The following ATRNL1 variants were observed in gnomAD, a reference collection of about 807,000 sequenced individuals.
ATRNL1 encodes attractin like 1.
A neutral mutation model predicts 182.7 loss-of-function variants in ATRNL1; 95 were observed. That is an observed-to-expected ratio of 0.52 (90% confidence interval 0.44 to 0.62). ATRNL1 has a LOEUF of 0.62. ATRNL1 is among the 20% of genes least tolerant of loss of function. ATRNL1 has a pLI of 0.00. For synonymous variants in ATRNL1, 576 were observed against 568.3 expected (o/e 1.01, Z -0.19); for missense variants, 1,471 against 1,679.5 (o/e 0.88, Z 2.17).
chr10:115,244,077 G>A (rs1277596233), intron 10 of ATRNL1, among the ~76,000 whole-genome samples: 1 of 152,002 alleles, frequency 6.6e-6, no homozygotes, highest in Non-Finnish European at 1.5e-5. Flanking sequence ...ATAGATATAA[G>A]CATTATATAG....
At chr10:115,463,222 T>C (rs1431597810) in intron 22 of ATRNL1, among the ~76,000 whole-genome samples, 5 of 151,176 alleles carry the variant, frequency 3.3e-5, no homozygotes, top group Non-Finnish European at 4.4e-5. Flanking sequence ...TCTTTTCCAG[T>C]AAAATAGCAT....
At position 115,856,428 on chromosome 10, in the gene ATRNL1, CAAAAAA is replaced by C. The variant is rs572743389; in HGVS notation, c.4018+8454_4018+8459del. On this transcript the variant is annotated intron_variant, in intron 28 of 28. Coordinates refer to ENST00000355044, the MANE Select transcript of ATRNL1 (RefSeq NM_207303.4). The stretch of plus-strand genomic sequence containing the variant: ...GGGCAACAAGAGCGAAGCTCCATCT[CAAAAAA>C]AAAAAAAAAAAAAAAAGCCATACAT... Among the ~76,000 whole-genome samples the C allele has an allele frequency of 2.4e-3, 54 of 22,538 alleles. 8 individuals are homozygous for C. In the East Asian group the frequency reaches 0.058, roughly 24 times the overall value. 14.8% of individuals were successfully genotyped at this position (22,538 alleles called of 152,430 possible).
intron 28 of ATRNL1, among the ~76,000 whole-genome samples, chr10:115,933,099 C>G (rs1555122054): frequency 6.6e-6 from 1 of 152,184 alleles, no homozygotes; most frequent in East Asian, 1.9e-4. Context: ...GCAAGCAATT[C>G]CTTCAGGAAC....
intron 5 of ATRNL1, among the ~76,000 whole-genome samples, chr10:115,141,723 G>T (rs868993932): frequency 2.0e-5 from 3 of 151,990 alleles, no homozygotes; most frequent in African/African-American, 4.8e-5. Flanking sequence ...TAATGAACAC[G>T]GTCAATCTAT....
chr10:115,778,558 TA>T (rs1237401720), intron 27 of ATRNL1, among the ~76,000 whole-genome samples: 2 of 152,180 alleles, frequency 1.3e-5, no homozygotes, highest in Non-Finnish European at 2.9e-5. Flanking sequence ...ATGAACGAAC[TA>T]AATCATATGC....
intron 17 of ATRNL1, among the ~76,000 whole-genome samples, chr10:115,312,626 A>G (rs1554928219): frequency 6.6e-6 from 1 of 152,062 alleles, no homozygotes; most frequent in African/African-American, 2.4e-5. Context: ...GAGCTCTTTG[A>G]GCTTCTTGTA....
chr10:115,546,123 A>G (rs1361972331), intron 25 of ATRNL1, among the ~76,000 whole-genome samples: 1 of 152,168 alleles, frequency 6.6e-6, no homozygotes, highest in African/African-American at 2.4e-5. Context: ...AATCATGAAC[A>G]TTATTAATGG....
chr10:115,228,553 G>A (rs1849792148), intron 9 of ATRNL1, among the ~76,000 whole-genome samples: 1 of 152,074 alleles, frequency 6.6e-6, no homozygotes, highest in South Asian at 2.1e-4. Context: ...TTCTCTGATA[G>A]TGGAGACCTC....
intron 28 of ATRNL1, among the ~76,000 whole-genome samples, chr10:115,927,401 C>T (rs1555120591): frequency 6.6e-6 from 1 of 152,038 alleles, no homozygotes; most frequent in Non-Finnish European, 1.5e-5. Flanking sequence ...GCTAAGAATA[C>T]TGTGATTACT....
intron 19 of ATRNL1, among the ~76,000 whole-genome samples, chr10:115,393,985 A>G (rs1426074525): frequency 2.0e-5 from 3 of 152,074 alleles, no homozygotes; most frequent in Non-Finnish European, 4.4e-5. Context: ...ATCTAAAAGG[A>G]TACTCTAAAA....
rs79349538 is a variant in ATRNL1 at position 115,467,284 on chromosome 10, C to G, written c.3496+32C>G. 9.1e-5 allele frequency: 132 copies of G among 1,456,478 alleles called. 1 individual carries two copies. In the East Asian group the frequency reaches 3.1e-3, roughly 34 times the overall value. 90.2% of individuals were successfully genotyped at this position (1,456,478 alleles called of 1,614,324 possible). A position where few individuals can be genotyped will look rare whatever the true frequency, so the allele number is the denominator to read the frequency against. On this transcript the variant is annotated intron_variant, in intron 23 of 28. Transcript: ENST00000355044. ...AAATGTTGATGTCATATCTCTTTTA[C>G]ATGTGTTCCTATCTGGAAGTTGTTC...
chr10:115,753,234 G>C (rs1948496254), intron 27 of ATRNL1, among the ~76,000 whole-genome samples: 1 of 152,036 alleles, frequency 6.6e-6, no homozygotes, highest in South Asian at 2.1e-4. Context: ...GTGCAGGTTT[G>C]TTACATAGGT....
chr10:115,633,408 G>A (rs1858650086), intron 26 of ATRNL1, among the ~76,000 whole-genome samples: 1 of 152,146 alleles, frequency 6.6e-6, no homozygotes. Context: ...GTTTCTTACT[G>A]TGTGTTTGAA....
At chr10:115,168,147 A>G (rs1470640842) in intron 7 of ATRNL1, among the ~76,000 whole-genome samples, 1 of 152,142 alleles carries the variant, frequency 6.6e-6, no homozygotes, top group Non-Finnish European at 1.5e-5. Context: ...ATGTTTTAGA[A>G]TGTATCAGTA....
intron 27 of ATRNL1, among the ~76,000 whole-genome samples, chr10:115,762,754 A>G (rs1593182765): frequency 6.6e-6 from 1 of 152,108 alleles, no homozygotes; most frequent in Non-Finnish European, 1.5e-5. Flanking sequence ...TAATGACATA[A>G]AAGTTTTAAA....
chr10:115,705,649 A>G (rs1946873954), intron 26 of ATRNL1, among the ~76,000 whole-genome samples: 1 of 151,924 alleles, frequency 6.6e-6, no homozygotes, highest in Non-Finnish European at 1.5e-5. Context: ...CTGTAAGATT[A>G]CTGCACTATA....
chr10:115,737,457 A>C (rs7095980), intron 27 of ATRNL1, among the ~76,000 whole-genome samples: 1 of 151,804 alleles, frequency 6.6e-6, no homozygotes, highest in South Asian at 2.1e-4. Flanking sequence ...AGAAAAGTAT[A>C]CTTCATTAAG....
chr10:115,464,948 C>G (rs1463570953), intron 22 of ATRNL1, among the ~76,000 whole-genome samples: 1 of 151,640 alleles, frequency 6.6e-6, no homozygotes, highest in Non-Finnish European at 1.5e-5. Context: ...TGTCACTATA[C>G]CTAATAACGA....
chr10:115,148,615 C>T (rs1330299636), intron 5 of ATRNL1, among the ~76,000 whole-genome samples: 4 of 151,974 alleles, frequency 2.6e-5, no homozygotes, highest in South Asian at 2.1e-4. Flanking sequence ...CTAAGGAAAT[C>T]GAAGACGTGG....
Sources: allele counts gnomAD v4.1 joint callset (sites outside exome capture counted in the v4.1 genomes callset), GRCh38; gene constraint gnomAD v4.1.1; transcripts MANE v1.5; gene names NCBI Gene and HGNC (gene_info 2026-07-23, HGNC 2026-07-21).